The following CATSPERB variants were observed in gnomAD, a reference collection of about 807,000 sequenced individuals.
CATSPERB encodes cation channel sperm-associated auxiliary subunit beta.
CATSPERB carries 93 observed loss-of-function variants against 128.3 expected under a neutral mutation model. The observed-to-expected ratio is 0.72, with a 90% CI of 0.61 to 0.86. The LOEUF is 0.86. Among genes scored for constraint, CATSPERB ranks in the 40% least tolerant of loss-of-function variants. The probability of loss-of-function intolerance (pLI) is 0.00; values close to 1 mark genes in which losing one functional copy is unlikely to be tolerated. For synonymous variants in CATSPERB, 381 were observed against 448.8 expected (o/e 0.85, Z 1.91); for missense variants, 1,153 against 1,329.5 (o/e 0.87, Z 2.06).
chr14:91,696,830 T>A (rs1245752382), intron 7 of CATSPERB, among the ~76,000 whole-genome samples: 2 of 152,160 alleles, frequency 1.3e-5, no homozygotes, highest in Non-Finnish European at 2.9e-5. Flanking sequence ...AGCCTTTGAT[T>A]GCAGCAGAGA....
intron 15 of CATSPERB, among the ~76,000 whole-genome samples, chr14:91,648,989 T>C (rs1595163695): frequency 1.2e-5 from 1 of 82,202 alleles, no homozygotes; most frequent in East Asian, 2.8e-4. Flanking sequence ...CCTATCTTGC[T>C]TTTTTTTTTT....
In CATSPERB at chr14:91,588,072, G is replaced by A. The variant is rs1893335343; in HGVS notation, c.2963C>T (p.Thr988Ile). Reference sequence around the variant, plus strand: ...CATTCTTTTAATATTTTCTGGCACAGTGTGTTCTAAAAATACATAAAACAT... The same window carrying A: ...CATTCTTTTAATATTTTCTGGCACAATGTGTTCTAAAAATACATAAAACAT... ...NMRHNWKLKH[T>I]VPENIKRMKQ... The change falls in exon 25 of 27, where the codon ACT becomes ATT. Residue 988 changes from threonine (T) to isoleucine (I), a missense_variant. Coordinates refer to ENST00000256343, the MANE Select transcript of CATSPERB (RefSeq NM_024764.4). The A allele has an allele frequency of 6.3e-7, 1 of 1,593,902 alleles. No homozygotes were observed. Among genetic ancestry groups the A allele is most frequent in the African/African-American group, 1.3e-5 (1 of 74,522 alleles).
chr14:91,635,125 GGGTCT>G (rs1450898220), intron 17 of CATSPERB, among the ~76,000 whole-genome samples: 1 of 151,842 alleles, frequency 6.6e-6, no homozygotes, highest in Admixed American at 6.6e-5. Context: ...TAGCTCTCTG[GGGTCT>G]CTTTCATAAG....
At chr14:91,623,197 G>C (rs1405373482) in intron 18 of CATSPERB, among the ~76,000 whole-genome samples, 4 of 151,896 alleles carry the variant, frequency 2.6e-5, no homozygotes, top group African/African-American at 7.2e-5. Context: ...ACCCGGCCAG[G>C]GTTCCCAAGG....
At chr14:91,631,525 C>G (rs147830457) in intron 17 of CATSPERB, among the ~76,000 whole-genome samples, 1 of 151,912 alleles carries the variant, frequency 6.6e-6, no homozygotes, top group African/African-American at 2.4e-5. Context: ...ATTAGTCAGG[C>G]GTGGTGGTGG....
chr14:91,705,247 G>T (rs1158792605), intron 6 of CATSPERB, among the ~76,000 whole-genome samples: 1 of 151,822 alleles, frequency 6.6e-6, no homozygotes, highest in African/African-American at 2.4e-5. Flanking sequence ...GGAATTGCTG[G>T]ATCACAGAAT....
chr14:91,668,676 C>T (rs112645749), intron 14 of CATSPERB, among the ~76,000 whole-genome samples: 641 of 152,302 alleles, frequency 4.2e-3, no homozygotes, highest in Non-Finnish European at 6.2e-3. Flanking sequence ...TGAGGGTCTG[C>T]GGCTTCATTC....
chr14:91,612,845 A>T (rs1220647850), intron 20 of CATSPERB, among the ~76,000 whole-genome samples: 1 of 152,194 alleles, frequency 6.6e-6, no homozygotes. Flanking sequence ...AAGGAAGCAA[A>T]CAGAAAAATC....
In CATSPERB at chr14:91,603,132, T is replaced by C. The variant is rs575565069; in HGVS notation, c.2709+5162A>G. ...CTTGGAAGTCTTCTCCAATCTGGTA[T>C]CCACTCTTCCTTGTATACCTTCATG... On this transcript the variant is annotated intron_variant, in intron 22 of 26. Transcript: ENST00000256343. The C allele has an allele frequency of 1.9e-4, 149 of 786,546 alleles. 1 individual carries two copies. The African/African-American group carries it at 2.2e-3, about 11-fold the overall frequency. 48.7% of individuals were successfully genotyped at this position (786,546 alleles called of 1,614,324 possible).
intron 13 of CATSPERB, among the ~76,000 whole-genome samples, chr14:91,672,505 C>T (rs1048661819): frequency 3.3e-5 from 5 of 151,788 alleles, no homozygotes; most frequent in South Asian, 2.1e-4. Flanking sequence ...GGGTTAAGGA[C>T]GTTTGGAAGA....
chr14:91,635,240 A>G (rs1437252235), intron 17 of CATSPERB, among the ~76,000 whole-genome samples: 1 of 152,138 alleles, frequency 6.6e-6, no homozygotes, highest in Non-Finnish European at 1.5e-5. Context: ...GGATTTCCAC[A>G]TATGAATTTT....
chr14:91,654,022 A>G (rs1273932050), intron 15 of CATSPERB, among the ~76,000 whole-genome samples: 2 of 152,178 alleles, frequency 1.3e-5, no homozygotes, highest in Non-Finnish European at 2.9e-5. Flanking sequence ...TTAATGATGA[A>G]CTTGATGGAA....
In CATSPERB at chr14:91,587,477, C is replaced by CTTTT. The variant is rs3029803; in HGVS notation, c.3058-205_3058-202dup. Among the ~76,000 whole-genome samples, 231 of 101,522 alleles carry CTTTT rather than the reference C, an allele frequency of 2.3e-3. 14 individuals carry two copies. The highest frequency in any genetic ancestry group is 7.6e-3 in the African/African-American group (201 of 26,614). The allele number at this position is 101,522 out of a possible 152,430, so 66.6% of individuals were successfully genotyped here. On this transcript the variant is annotated intron_variant, in intron 25 of 26. Transcript: ENST00000256343. The stretch of plus-strand genomic sequence containing the variant: ...AAGTGGAGGGATTCAATAGCTGATA[C>CTTTT]TTTTTTTTTTTTTTTTTTTTTTTTT...
At chr14:91,679,305 A>G (rs1230058793) in intron 11 of CATSPERB, among the ~76,000 whole-genome samples, 1 of 152,172 alleles carries the variant, frequency 6.6e-6, no homozygotes, top group Non-Finnish European at 1.5e-5. Context: ...TAGGTAATAT[A>G]TAATTCTGTA....
At chr14:91,652,504 CA>C (rs536896278) in intron 15 of CATSPERB, among the ~76,000 whole-genome samples, 11,347 of 111,590 alleles carry the variant, frequency 0.1, 499 homozygotes, top group Middle Eastern at 0.2. Context: ...ACTAACAATA[CA>C]AAAAAAAAAA....
intron 15 of CATSPERB, among the ~76,000 whole-genome samples, chr14:91,648,764 A>AT (rs1237911152): frequency 6.6e-6 from 1 of 151,946 alleles, no homozygotes; most frequent in African/African-American, 2.4e-5. Flanking sequence ...CTTTATTTAT[A>AT]TTTTTTTCTC....
At chr14:91,647,586 T>G (rs1894627770) in intron 15 of CATSPERB, among the ~76,000 whole-genome samples, 1 of 152,190 alleles carries the variant, frequency 6.6e-6, no homozygotes, top group Non-Finnish European at 1.5e-5. Context: ...CAATCATGGC[T>G]GAAAGCAAAT....
chr14:91,696,723 T>C (rs1057503004), intron 7 of CATSPERB, among the ~76,000 whole-genome samples: 2 of 152,122 alleles, frequency 1.3e-5, no homozygotes, highest in Non-Finnish European at 2.9e-5. Context: ...AGTATGATGA[T>C]GTTGGAGAGA....
chr14:91,608,332 TAGG>T lies in CATSPERB; in HGVS notation c.2668_2670del (p.Pro890del). On this transcript the variant is annotated inframe_deletion, in exon 22 of 27. Transcript: ENST00000256343. ...AACATGTTTCTTGGTATGGGTTTGC[TAGG>T]ATCTGCATGATAAAAATTATCTGTG... is the stretch of plus-strand genomic sequence containing the variant. 1 of 1,612,662 alleles carries T rather than the reference TAGG, an allele frequency of 6.2e-7. No homozygotes were observed. The highest frequency in any genetic ancestry group is 8.5e-7 in the Non-Finnish European group (1 of 1,178,820).
Sources: allele counts gnomAD v4.1 joint callset (sites outside exome capture counted in the v4.1 genomes callset), GRCh38; gene constraint gnomAD v4.1.1; transcripts MANE v1.5; gene names NCBI Gene and HGNC (gene_info 2026-07-23, HGNC 2026-07-21).